The following KNL1 variants were observed in gnomAD, a reference collection of about 807,000 sequenced individuals.
KNL1 encodes kinetochore scaffold 1.
A neutral mutation model predicts 201.3 loss-of-function variants in KNL1; 66 were observed. That is an observed-to-expected ratio of 0.33 (90% CI 0.27 to 0.40). KNL1 has a LOEUF of 0.40. KNL1 is among the 10% of genes least tolerant of loss of function. KNL1 has a pLI of 1.00. For missense variants in KNL1, 2,815 were observed against 2,690.5 expected, an observed-to-expected ratio of 1.05 and a Z score of -1.02; for synonymous variants, 895 against 899.2, an observed-to-expected ratio of 1.00 and a Z score of 0.08.
At chr15:40,600,153 G>A (rs1487122323) in intron 1 of KNL1, among the ~76,000 whole-genome samples, 1 of 142,672 alleles carries the variant, frequency 7.0e-6, no homozygotes, top group Non-Finnish European at 1.5e-5. Context: ...TTGGCTCACT[G>A]TAACCTCTGT....
At chr15:40,653,765 C>T (rs1439373634) in intron 21 of KNL1, among the ~76,000 whole-genome samples, 1 of 152,200 alleles carries the variant, frequency 6.6e-6, no homozygotes, top group East Asian at 1.9e-4. Context: ...TGCACGTTGG[C>T]CACAGTGGAC....
chr15:40,662,047 A>G, intron 25 of KNL1, 27 bp from the exon 26 acceptor site: 4 of 1,396,988 alleles, frequency 2.9e-6, no homozygotes, highest in Non-Finnish European at 4.1e-6. Flanking sequence ...GCAAAAAAGA[A>G]AATTGATTAA....
rs558738537 is a variant in KNL1, at chr15:40,615,396, A to G, written c.322+18A>G. 7.4e-6 allele frequency: 5 copies of G among 671,278 alleles called. No individual in the cohort carries two copies. The African/African-American group carries it at 9.3e-5, about 13-fold the overall frequency. The allele number at this position is 671,278 out of a possible 1,614,324, so 41.6% of individuals were successfully genotyped here. The stretch of plus-strand genomic sequence containing the variant: ...AATTACTGGTGAGTATGACTAGAAT[A>G]CTTTTCTTATAGTAAGATAGTCTAT... On this transcript the variant is annotated intron_variant, in intron 8 of 25. Coordinates refer to ENST00000399668, the MANE Select transcript of KNL1 (RefSeq NM_144508.5).
chr15:40,634,269 G>A (rs1018718265), intron 13 of KNL1, among the ~76,000 whole-genome samples: 7 of 152,112 alleles, frequency 4.6e-5, no homozygotes, highest in African/African-American at 1.7e-4. Context: ...ACCACACCTG[G>A]CCAATTTTTG....
intron 13 of KNL1, among the ~76,000 whole-genome samples, chr15:40,634,017 A>T (rs773744899): frequency 4.6e-5 from 7 of 152,194 alleles, no homozygotes; most frequent in Non-Finnish European, 8.8e-5. Context: ...TGGAGGTGGA[A>T]GACAGTGATA....
rs763028076 is a variant in KNL1, at chr15:40,624,255, A to C, written c.3991A>C (p.Asn1331His). The change falls in exon 10 of 26, where the codon AAT becomes CAT. Residue 1331 changes from asparagine to histidine, a missense_variant. Asn to His is a moderately conservative substitution (Grantham distance 68). Transcript: ENST00000399668. Reference protein sequence around the residue: ...LLCDKDEEKANYCPVQNDLAY... With the variant: ...LLCDKDEEKAHYCPVQNDLAY... ...ATGTGATAAAGATGAGGAAAAAGCCAATTATTGCCCAGTGCAAAATGATCT... is the reference window on the plus strand; with the variant it reads ...ATGTGATAAAGATGAGGAAAAAGCCCATTATTGCCCAGTGCAAAATGATCT... 26 of 1,614,070 alleles carry C rather than the reference A, an allele frequency of 1.6e-5. No homozygotes were observed. In the African/African-American group the frequency reaches 3.3e-4, roughly 21 times the overall value.
chr15:40,653,131 C>T (rs1235555922), intron 21 of KNL1, among the ~76,000 whole-genome samples: 1 of 151,850 alleles, frequency 6.6e-6, no homozygotes, highest in African/African-American at 2.4e-5. Flanking sequence ...CCTCTTTCTC[C>T]CTCGCTGTAC....
chr15:40,638,601 C>T (rs1893128094), intron 13 of KNL1, among the ~76,000 whole-genome samples: 1 of 151,774 alleles, frequency 6.6e-6, no homozygotes, highest in Non-Finnish European at 1.5e-5. Context: ...AAGTGATTTT[C>T]TCGCCTCAGC....
At chr15:40,609,235 C>G (rs1190198673) in intron 5 of KNL1, among the ~76,000 whole-genome samples, 1 of 146,002 alleles carries the variant, frequency 6.8e-6, no homozygotes, top group East Asian at 2.0e-4. Context: ...TAGCGAGATC[C>G]CATCTCTACA....
intron 14 of KNL1, among the ~76,000 whole-genome samples, 164 bp from the exon 15 acceptor site, chr15:40,644,833 T>G (rs1893337957): frequency 6.6e-6 from 1 of 152,148 alleles, no homozygotes; most frequent in Admixed American, 6.5e-5. Context: ...GGCAAAGTGG[T>G]TGGGGCAAAG....
At position 40,606,429 on chromosome 15, in the gene KNL1, A is replaced by G. The variant is rs1205569369; in HGVS notation, c.112A>G (p.Arg38Gly). 1 of 1,578,048 alleles carries G rather than the reference A, an allele frequency of 6.3e-7. No homozygotes were observed. The highest frequency in any genetic ancestry group is 1.1e-5 in the South Asian group (1 of 90,198). ...CCCAAGGAGTCCTCTTCAGGACCTC[A>G]GAGGTGGGAATGAAAGAGTTCAGGT... ...KPPRSPLQDLRGGNERVQESN... is the reference protein window; with the variant it reads ...KPPRSPLQDLGGGNERVQESN... The change falls in exon 4 of 26, where the codon AGA becomes GGA. Residue 38 changes from arginine to glycine, a missense_variant. Physicochemically the swap from Arg to Gly is moderately radical, Grantham distance 125 (BLOSUM62 -2). Around this residue, in one of 3 missense-constraint regions of KNL1, gnomAD observed 2,464 missense variants for 2,291.7 expected, o/e 1.08. Coordinates refer to ENST00000399668, the MANE Select transcript of KNL1 (RefSeq NM_144508.5).
intron 1 of KNL1, among the ~76,000 whole-genome samples, chr15:40,602,480 C>CTTTTTT (rs34192317): frequency 1.3e-5 from 1 of 79,130 alleles, no homozygotes; most frequent in Admixed American, 1.7e-4. Flanking sequence ...TTTTTCCTTC[C>CTTTTTT]TTTTTTTTTT....
intron 22 of KNL1, among the ~76,000 whole-genome samples, 195 bp from the exon 23 acceptor site, chr15:40,656,847 T>C (rs1893748273): frequency 6.6e-6 from 1 of 151,116 alleles, no homozygotes; most frequent in African/African-American, 2.4e-5. Flanking sequence ...GATCACGCCA[T>C]GGTACTCCAG....
At chr15:40,628,001 T>G in intron 10 of KNL1, 69 bp from the exon 11 acceptor site, 1 of 1,002,752 alleles carries the variant, frequency 1.0e-6, no homozygotes, top group Non-Finnish European at 1.4e-6. Flanking sequence ...GTAGTATTTC[T>G]GTTAGTGTTT....
intron 1 of KNL1, among the ~76,000 whole-genome samples, chr15:40,599,901 C>G (rs933337807): frequency 1.3e-5 from 2 of 150,578 alleles, no homozygotes; most frequent in Non-Finnish European, 2.9e-5. Flanking sequence ...GCCTGGAACT[C>G]CAGGGTTCCA....
In KNL1 at chr15:40,621,579, A is replaced by T; in HGVS notation, c.1315A>T (p.Met439Leu). 1 of 1,609,830 alleles carries T rather than the reference A, an allele frequency of 6.2e-7. No individual in the cohort carries two copies. Residue 439 changes from methionine to leucine, a missense_variant, in exon 10 of 26, where the codon ATG (methionine) becomes TTG (leucine). By Grantham distance (15) the Met-to-Leu change is conservative. Around this residue, in one of 3 missense-constraint regions of KNL1, gnomAD observed 2,464 missense variants for 2,291.7 expected, o/e 1.08. Coordinates refer to ENST00000399668, the MANE Select transcript of KNL1 (RefSeq NM_144508.5). Reference protein sequence around the residue: ...FYSSCNDAMEMTKCLSNMREE... With the variant: ...FYSSCNDAMELTKCLSNMREE... ...TTCTAGTTGTAATGATGCCATGGAA[A>T]TGACCAAATGTCTCTCAAATATGAG... is the stretch of plus-strand genomic sequence containing the variant.
rs757730656 is a variant in KNL1 at position 40,624,963 on chromosome 15, A to G, written c.4699A>G (p.Lys1567Glu). The change falls in exon 10 of 26, where the codon AAA (lysine) becomes GAA (glutamate). Residue 1567 changes from lysine to glutamate, a missense_variant. By Grantham distance (56) the Lys-to-Glu change is moderately conservative. Around this residue, in one of 3 missense-constraint regions of KNL1, gnomAD observed 2,464 missense variants for 2,291.7 expected, o/e 1.08. Transcript: ENST00000399668. ...ACCAAATCTGAATAATTTGAATGGAAAAACTGGAGAGTTTTTAGCCTTTCA... is the reference window on the plus strand; with the variant it reads ...ACCAAATCTGAATAATTTGAATGGAGAAACTGGAGAGTTTTTAGCCTTTCA... ...IKPNLNNLNG[K>E]TGEFLAFQTV... The G allele has an allele frequency of 1.4e-5, 22 of 1,613,832 alleles. No individual in the cohort carries two copies. The East Asian group carries it at 4.9e-4, about 36-fold the overall frequency.
chr15:40,634,861 C>T (rs528862276), intron 13 of KNL1, among the ~76,000 whole-genome samples: 3 of 152,162 alleles, frequency 2.0e-5, no homozygotes, highest in African/African-American at 7.2e-5. Flanking sequence ...CCCTTTCCTC[C>T]CAGGTCTTGC....
intron 14 of KNL1, among the ~76,000 whole-genome samples, chr15:40,641,307 A>G (rs1161668003): frequency 6.6e-6 from 1 of 152,234 alleles, no homozygotes. Context: ...GATATGAACA[A>G]TAGAAATGGC....
Sources: allele counts gnomAD v4.1 joint callset (sites outside exome capture counted in the v4.1 genomes callset), GRCh38; gene constraint gnomAD v4.1.1; regional missense constraint gnomAD v4.1.1; transcripts MANE v1.5; gene names NCBI Gene and HGNC (gene_info 2026-07-23, HGNC 2026-07-21).